The following RESF1 variants were observed in gnomAD, a reference collection of about 807,000 sequenced individuals.
The protein encoded by RESF1 is gonad expressed transcript.
RESF1 carries 65 observed loss-of-function variants against 134.7 expected under a neutral mutation model. The ratio of observed to expected loss-of-function variants is 0.48; its 90% CI spans 0.40 to 0.59. The LOEUF (loss-of-function observed/expected upper bound fraction) is 0.59, where lower values mean the gene tolerates loss of function less well. Ranked by LOEUF, RESF1 falls within the 20% of genes least tolerant of loss-of-function variation. The pLI is 0.00. For missense variants in RESF1, 2,274 were observed against 2,002.7 expected, an observed-to-expected ratio of 1.14 and a Z score of -2.59; for synonymous variants, 762 against 702.2, an observed-to-expected ratio of 1.09 and a Z score of -1.35.
chr12:31,972,064 A>C (rs546868281), intron 3 of RESF1, among the ~76,000 whole-genome samples: 2 of 152,282 alleles, frequency 1.3e-5, no homozygotes, highest in Non-Finnish European at 2.9e-5. Flanking sequence ...GGAGGTTCCT[A>C]GAGGGTGGCG....
intron 5 of RESF1, among the ~76,000 whole-genome samples, chr12:31,990,759 C>T (rs1175617693): frequency 6.6e-6 from 1 of 152,090 alleles, no homozygotes; most frequent in Non-Finnish European, 1.5e-5. Flanking sequence ...TTTTTAAATG[C>T]CTATTAGGGG....
chr12:31,964,523 G>A lies in RESF1; in HGVS notation c.-247+3652G>A, dbSNP rs377279716. ...TGTATGTGTACTGTTTTCTTTATGC[G>A]GTTTACCGTTGATGGGCATTTAGGT... On this transcript the variant is annotated intron_variant, in intron 2 of 5. Transcript: ENST00000312561. Among the ~76,000 whole-genome samples, 5 of 152,176 alleles carry A rather than the reference G, an allele frequency of 3.3e-5. No individual in the cohort carries two copies. The South Asian group carries it at 1.0e-3, about 32-fold the overall frequency.
chr12:31,979,138 T>C (rs1221828952), intron 3 of RESF1, among the ~76,000 whole-genome samples: 1 of 152,132 alleles, frequency 6.6e-6, no homozygotes, highest in East Asian at 1.9e-4. Context: ...GCCAGGATGG[T>C]CTCGATCTCC....
rs372164733 is a variant in RESF1, at chr12:31,985,805, A to G, written c.4850A>G (p.His1617Arg). Residue 1617 changes from histidine to arginine, a missense_variant, in exon 4 of 6, where the codon CAT becomes CGT. Coordinates refer to ENST00000312561, the MANE Select transcript of RESF1 (RefSeq NM_018169.4). ...LHKDKRQENK[H>R]KTFLPVKGNT... is the part of the protein sequence containing the mutation. ...AAAGATAAGAGACAGGAAAATAAAC[A>G]TAAGACCTTTTTACCGGTGAAAGGT... The G allele has an allele frequency of 1.3e-6, 2 of 1,567,636 alleles. No individual in the cohort carries two copies. Among genetic ancestry groups the G allele is most frequent in the Non-Finnish European group, 1.7e-6 (2 of 1,165,186 alleles).
At position 31,970,284 on chromosome 12, in the gene RESF1, TGC is replaced by T. The variant is rs1939477024; in HGVS notation, c.-150_-149del. ...CTATTGGATTCAATCCATAGTAATC[TGC>T]AAAAGAAGAGAAGCAGAATTATACC... On this transcript the variant is annotated 5_prime_UTR_variant, in exon 3 of 6. Coordinates refer to ENST00000312561, the MANE Select transcript of RESF1 (RefSeq NM_018169.4). 6.6e-6 allele frequency: 1 copy of T among 152,228 alleles called. No homozygotes were observed. Among genetic ancestry groups the T allele is most frequent in the South Asian group, 2.1e-4 (1 of 4,830 alleles). 9.4% of individuals were successfully genotyped at this position (152,228 alleles called of 1,614,324 possible).
At chr12:31,965,854 G>C (rs1449791897) in intron 2 of RESF1, among the ~76,000 whole-genome samples, 1 of 142,326 alleles carries the variant, frequency 7.0e-6, no homozygotes, top group Non-Finnish European at 1.5e-5. Context: ...TCACGCCACT[G>C]CACTCTAGCC....
rs1233278886 is a variant in RESF1 at position 31,981,437 on chromosome 12, C to G, written c.482C>G (p.Thr161Ser). The change falls in exon 4 of 6, where the codon ACC becomes AGC. Residue 161 changes from threonine to serine, a missense_variant. Thr to Ser is a moderately conservative substitution (Grantham distance 58). Coordinates refer to ENST00000312561, the MANE Select transcript of RESF1 (RefSeq NM_018169.4). Reference sequence around the variant, plus strand: ...CAGAGTCAACTGATAACATCAGATACCTATTCTATGCAAATGCAGATGATC... The same window carrying G: ...CAGAGTCAACTGATAACATCAGATAGCTATTCTATGCAAATGCAGATGATC... ...ALQSQLITSD[T>S]YSMQMQMIPS... 1 of 1,613,936 alleles carries G rather than the reference C, an allele frequency of 6.2e-7. No homozygotes were observed. The highest frequency in any genetic ancestry group is 1.7e-5 in the Admixed American group (1 of 60,024).
rs142634514 is a variant in RESF1, at chr12:31,981,842, A to G, written c.887A>G (p.His296Arg). 2.7e-5 allele frequency: 44 copies of G among 1,614,008 alleles called. No individual in the cohort carries two copies. The highest frequency in any genetic ancestry group is 3.4e-5 in the Non-Finnish European group (40 of 1,180,046). Residue 296 changes from histidine (H) to arginine (R), a missense_variant, in exon 4 of 6, where the codon CAT becomes CGT. His to Arg is a conservative substitution (Grantham distance 29). Coordinates refer to ENST00000312561, the MANE Select transcript of RESF1 (RefSeq NM_018169.4). ...YGSQPLQSTQ[H>R]ITKHLSMEVP... ...AGCCAGCCTTTGCAAAGTACTCAGC[A>G]TATTACTAAACACTTGTCTATGGAA...
intron 5 of RESF1, among the ~76,000 whole-genome samples, chr12:31,989,741 A>G (rs908729850): frequency 8.5e-5 from 13 of 152,152 alleles, no homozygotes; most frequent in Non-Finnish European, 1.6e-4. Context: ...AATACCAGCT[A>G]TTCAGTAGGC....
chr12:31,985,369 G>T lies in RESF1; in HGVS notation c.4414G>T (p.Val1472Leu), dbSNP rs764771344. The stretch of plus-strand genomic sequence containing the variant: ...ATCGAAGAAAATCTGTGTGAAAAAC[G>T]TGCCATGTGATTCTGAACATATGAG... ...KASKKICVKN[V>L]PCDSEHMRPS... The change falls in exon 4 of 6, where the codon GTG becomes TTG. Residue 1472 changes from valine (V) to leucine (L), a missense_variant. Val to Leu is a conservative substitution (Grantham distance 32). Coordinates refer to ENST00000312561, the MANE Select transcript of RESF1 (RefSeq NM_018169.4). 7 of 1,606,632 alleles carry T rather than the reference G, an allele frequency of 4.4e-6. No individual in the cohort carries two copies. Among genetic ancestry groups the T allele is most frequent in the South Asian group, 3.4e-5 (3 of 89,180 alleles).
chr12:31,981,048 A>G lies in RESF1; in HGVS notation c.93A>G (p.Gln31=). 4 of 1,614,142 alleles carry G rather than the reference A, an allele frequency of 2.5e-6. No homozygotes were observed. Among genetic ancestry groups the G allele is most frequent in the Non-Finnish European group, 3.4e-6 (4 of 1,180,006 alleles). The change falls in exon 4 of 6, where the codon CAA becomes CAG. Residue 31 remains glutamine, a synonymous_variant. Coordinates refer to ENST00000312561, the MANE Select transcript of RESF1 (RefSeq NM_018169.4). The part of the protein sequence containing the change: ...PPFLHQSLIN[Q]ITTTSQSSFS... ...TTTTGCACCAGTCTTTAATAAACCA[A>G]ATTACCACAACATCTCAGAGTTCTT...
At position 31,992,555 on chromosome 12, in the gene RESF1, A is replaced by G. The variant is rs772819540; in HGVS notation, c.*20A>G. 1.5e-5 allele frequency: 24 copies of G among 1,607,744 alleles called. No individual in the cohort carries two copies. The South Asian group carries it at 2.1e-4, about 14-fold the overall frequency. ...AAATAATTACAAGATGTGGTTTTGT[A>G]ATTGCCACTGGGAAATTTCTTTCCT... On this transcript the variant is annotated 3_prime_UTR_variant, in exon 6 of 6. Transcript: ENST00000312561.
In RESF1 at chr12:31,985,490, T is replaced by A; in HGVS notation, c.4535T>A (p.Leu1512Ter). ...VQTSKESLNG[L>*]TSHGKNLKIH... is the part of the protein sequence containing the mutation. ...ACCTCTAAAGAATCATTAAATGGCT[T>A]GACAAGCCATGGTAAAAACCTCAAA... The change falls in exon 4 of 6, where the codon TTG becomes TAG. Residue 1512 changes from leucine (L) to a stop codon, truncating the protein, a stop_gained. Coordinates refer to ENST00000312561, the MANE Select transcript of RESF1 (RefSeq NM_018169.4). LOFTEE classifies it high-confidence loss of function. The A allele has an allele frequency of 1.2e-6, 2 of 1,604,640 alleles. No individual in the cohort carries two copies. The highest frequency in any genetic ancestry group is 1.7e-6 in the Non-Finnish European group (2 of 1,177,492).
chr12:31,985,749 C>T lies in RESF1; in HGVS notation c.4794C>T (p.Thr1598=). The T allele has an allele frequency of 6.3e-7, 1 of 1,578,718 alleles. No individual in the cohort carries two copies. The highest frequency in any genetic ancestry group is 8.6e-7 in the Non-Finnish European group (1 of 1,168,124). Residue 1598 remains threonine, a synonymous_variant, in exon 4 of 6, where the codon ACC becomes ACT. Coordinates refer to ENST00000312561, the MANE Select transcript of RESF1 (RefSeq NM_018169.4). ...CTGAACGTGAAAGCATTTCTCTCAC[C>T]AAATTAGAAAGTTCACCCAGGAAGC... ...KCTERESISL[T]KLESSPRKLH... is the part of the protein sequence containing the mutation.
chr12:31,977,202 T>A (rs1263330448), intron 3 of RESF1, among the ~76,000 whole-genome samples: 1 of 152,148 alleles, frequency 6.6e-6, no homozygotes, highest in Admixed American at 6.5e-5. Context: ...TTTTTTGAGA[T>A]GGAGTTTCGC....
At chr12:31,972,784 G>C (rs1375282093) in intron 3 of RESF1, among the ~76,000 whole-genome samples, 2 of 152,074 alleles carry the variant, frequency 1.3e-5, no homozygotes, top group East Asian at 1.9e-4. Context: ...CCACACATCT[G>C]GTGTCAGAAG....
intron 2 of RESF1, among the ~76,000 whole-genome samples, chr12:31,969,021 C>T (rs1939455340): frequency 2.0e-5 from 3 of 152,142 alleles, no homozygotes; most frequent in African/African-American, 7.2e-5. Flanking sequence ...GTCCACTGCA[C>T]TCTCGACTTC....
Position 31,984,462 on chromosome 12 carries a change from T to C in RESF1, c.3507T>C (p.Asp1169=). ...DSVILDSEKD[D]IHCCALGWLS... ...TGATACTGGACTCTGAGAAAGATGA[T>C]ATCCACTGCTGTGCATTGGGCTGGC... is the stretch of plus-strand genomic sequence containing the variant. The change falls in exon 4 of 6, where the codon GAT becomes GAC. Residue 1169 remains aspartate, a synonymous_variant. Transcript: ENST00000312561. 6.2e-7 allele frequency: 1 copy of C among 1,614,068 alleles called. No homozygotes were observed. Among genetic ancestry groups the C allele is most frequent in the Non-Finnish European group, 8.5e-7 (1 of 1,179,916 alleles).
At chr12:31,978,098 T>C (rs1939678645) in intron 3 of RESF1, among the ~76,000 whole-genome samples, 1 of 151,994 alleles carries the variant, frequency 6.6e-6, no homozygotes, top group South Asian at 2.1e-4. Context: ...GCCACTGCGC[T>C]TGACCTAAAT....
Sources: gnomAD v4.1 joint callset for allele counts (sites outside exome capture counted in the v4.1 genomes callset) on GRCh38, gnomAD v4.1.1 for gene constraint, MANE v1.5 for transcripts, NCBI Gene and HGNC (gene_info 2026-07-23, HGNC 2026-07-21) for gene names.